Variants in MARCHF4 observed in about 807,000 individuals in gnomAD.
The protein encoded by MARCHF4 is membrane associated ring-CH-type finger 4.
MARCHF4 carries 14 observed loss-of-function variants against 43.9 expected under a neutral mutation model. That is an observed-to-expected ratio of 0.32 (90% confidence interval 0.21 to 0.50). The LOEUF is 0.50. MARCHF4 is among the 20% of genes least tolerant of loss of function. The probability of loss-of-function intolerance (pLI) is 0.98; values close to 1 mark genes in which losing one functional copy is unlikely to be tolerated. For missense variants in MARCHF4, 468 were observed against 536.7 expected, an observed-to-expected ratio of 0.87 and a Z score of 1.27; for synonymous variants, 226 against 213.3, an observed-to-expected ratio of 1.06 and a Z score of -0.52.
chr2:216,299,270 C>T (rs1179377371), intron 1 of MARCHF4, among the ~76,000 whole-genome samples: 2 of 152,166 alleles, frequency 1.3e-5, no homozygotes, highest in African/African-American at 4.8e-5. Context: ...GCCTTGCCAG[C>T]TGGAGGCTGC....
chr2:216,371,627 G>C lies in MARCHF4; in HGVS notation c.-1367C>G, dbSNP rs1347604988. ...TCCTCCTCCTCCTCCCCCTTCCCTG[G>C]GGGCCAGCCCTGAGCCCCCGCGCCC... On this transcript the variant is annotated 5_prime_UTR_variant, in exon 1 of 4. Transcript: ENST00000273067. 1 of 152,380 alleles carries C rather than the reference G, an allele frequency of 6.6e-6. No individual in the cohort carries two copies. The highest frequency in any genetic ancestry group is 1.5e-5 in the Non-Finnish European group (1 of 68,168). 9.4% of individuals were successfully genotyped at this position (152,380 alleles called of 1,614,324 possible). A position where few individuals can be genotyped will look rare whatever the true frequency, so the allele number is the denominator to read the frequency against.
chr2:216,367,525 C>T (rs1002974136), intron 1 of MARCHF4, among the ~76,000 whole-genome samples: 1 of 152,174 alleles, frequency 6.6e-6, no homozygotes, highest in African/African-American at 2.4e-5. Context: ...GTTATTACTA[C>T]TATAACACAA....
chr2:216,353,134 C>A (rs13011054), intron 1 of MARCHF4, among the ~76,000 whole-genome samples: 58,414 of 151,840 alleles, frequency 0.38, 11,602 homozygotes, highest in East Asian at 0.52. Context: ...CTTCAAATGA[C>A]AACACTTCAA....
intron 1 of MARCHF4, among the ~76,000 whole-genome samples, chr2:216,351,223 C>T (rs1388895836): frequency 6.6e-6 from 1 of 152,116 alleles, no homozygotes; most frequent in South Asian, 2.1e-4. Context: ...ACTGGGAGTC[C>T]CACTGCATGC....
chr2:216,339,378 C>T (rs1006688567), intron 1 of MARCHF4, among the ~76,000 whole-genome samples: 1 of 152,220 alleles, frequency 6.6e-6, no homozygotes, highest in Non-Finnish European at 1.5e-5. Context: ...GCCCATAATC[C>T]CCTTGGGAAA....
At chr2:216,276,351 C>T (rs953972208) in intron 3 of MARCHF4, among the ~76,000 whole-genome samples, 2 of 124,254 alleles carry the variant, frequency 1.6e-5, no homozygotes, top group Non-Finnish European at 3.0e-5. Flanking sequence ...AATTAGAATG[C>T]ATCAATGTCA....
intron 1 of MARCHF4, among the ~76,000 whole-genome samples, chr2:216,357,924 T>C (rs1276335930): frequency 1.3e-5 from 2 of 152,222 alleles, no homozygotes; most frequent in Non-Finnish European, 2.9e-5. Flanking sequence ...CAGATGATAT[T>C]ATGGCAGCTC....
chr2:216,285,784 A>G, intron 1 of MARCHF4, among the ~76,000 whole-genome samples: 1 of 152,172 alleles, frequency 6.6e-6, no homozygotes, highest in East Asian at 1.9e-4. Context: ...GGAATTCCTC[A>G]TTATTCGTGG....
chr2:216,270,411 C>T (rs1690917414), intron 3 of MARCHF4, among the ~76,000 whole-genome samples: 1 of 152,028 alleles, frequency 6.6e-6, no homozygotes, highest in South Asian at 2.1e-4. Flanking sequence ...ATCACCCGCC[C>T]CAACCCCATC....
rs181065589 is a variant in MARCHF4, at chr2:216,266,809, C to T, written c.866-7130G>A. On this transcript the variant is annotated intron_variant, in intron 3 of 3. Coordinates refer to ENST00000273067, the MANE Select transcript of MARCHF4 (RefSeq NM_020814.3). ...CTATTTTGGGTGAGTTCAGGGGGTA[C>T]TGCTGGGAAAGGCCAGGTTGACAAC... is the stretch of plus-strand genomic sequence containing the variant. 2.6e-5 allele frequency among the ~76,000 whole-genome samples: 4 copies of T among 152,274 alleles called. No individual in the cohort carries two copies. In the East Asian group the frequency reaches 7.7e-4, roughly 29 times the overall value.
In MARCHF4 at chr2:216,322,701, A is replaced by C. The variant is rs1051913191; in HGVS notation, c.517-38972T>G. ...GCCGGGTGCGGTGGTGGGTGCCTGT[A>C]GTCCCAGCTACTAGGGAGGCTGAGG... On this transcript the variant is annotated intron_variant, in intron 1 of 3. Transcript: ENST00000273067. Among the ~76,000 whole-genome samples the C allele has an allele frequency of 2.4e-4, 36 of 152,190 alleles. 1 individual carries two copies. Among genetic ancestry groups the C allele is most frequent in the Admixed American group, 2.4e-3 (36 of 15,278 alleles).
rs1272648208 is a variant in MARCHF4, at chr2:216,372,342, G to T, written c.-2082C>A. Among the ~76,000 whole-genome samples the T allele has an allele frequency of 1.3e-5, 2 of 152,112 alleles. No homozygotes were observed. Among genetic ancestry groups the T allele is most frequent in the Admixed American group, 6.5e-5 (1 of 15,278 alleles). On this transcript the variant is annotated 5_prime_UTR_variant, in exon 1 of 4. Coordinates refer to ENST00000273067, the MANE Select transcript of MARCHF4 (RefSeq NM_020814.3). Reference sequence around the variant, plus strand: ...CGCCGCTGCTGCATTCAGCACCCCGGGCGAGTGGACAGCTCCCACCCAGAC... The same window carrying T: ...CGCCGCTGCTGCATTCAGCACCCCGTGCGAGTGGACAGCTCCCACCCAGAC...
chr2:216,303,028 G>A (rs957667952), intron 1 of MARCHF4, among the ~76,000 whole-genome samples: 11 of 151,318 alleles, frequency 7.3e-5, no homozygotes, highest in Admixed American at 4.6e-4. Flanking sequence ...TTCTCTCACA[G>A]CTCCTTTCTC....
chr2:216,339,233 G>C (rs1397551358), intron 1 of MARCHF4, among the ~76,000 whole-genome samples: 1 of 152,198 alleles, frequency 6.6e-6, no homozygotes, highest in Admixed American at 6.5e-5. Context: ...GCATCTATGG[G>C]AGAAGACAGT....
In MARCHF4 at chr2:216,259,563, C is replaced by T. The variant is rs781037941; in HGVS notation, c.982G>A (p.Ala328Thr). 1.5e-5 allele frequency: 24 copies of T among 1,614,070 alleles called. 1 individual carries two copies. The African/African-American group carries it at 2.3e-4, about 15-fold the overall frequency. Reference protein sequence around the residue: ...DKTKDLEDQKAGGRTNPRTSS... With the variant: ...DKTKDLEDQKTGGRTNPRTSS... ...GTCCGGGGGTTGGTCCTGCCTCCTG[C>T]CTTTTGATCCTCCAGGTCTTTTGTC... The change falls in exon 4 of 4, where the codon GCA becomes ACA. Residue 328 changes from alanine (A) to threonine (T), a missense_variant. Physicochemically the swap from Ala to Thr is moderately conservative, Grantham distance 58 (BLOSUM62 0). Coordinates refer to ENST00000273067, the MANE Select transcript of MARCHF4 (RefSeq NM_020814.3).
At chr2:216,332,702 G>A (rs546965380) in intron 1 of MARCHF4, among the ~76,000 whole-genome samples, 21 of 152,148 alleles carry the variant, frequency 1.4e-4, no homozygotes, top group African/African-American at 1.9e-4. Context: ...ATATAAAGAC[G>A]GTCGTCTCCC....
At chr2:216,329,095 A>T (rs1162857008) in intron 1 of MARCHF4, among the ~76,000 whole-genome samples, 1 of 148,504 alleles carries the variant, frequency 6.7e-6, no homozygotes, top group African/African-American at 2.5e-5. Flanking sequence ...AAATAAAAAC[A>T]CCCGGCCGGG....
intron 3 of MARCHF4, among the ~76,000 whole-genome samples, chr2:216,270,995 G>A (rs914501987): frequency 6.6e-6 from 1 of 152,160 alleles, no homozygotes; most frequent in African/African-American, 2.4e-5. Flanking sequence ...AGTTGCTAGA[G>A]TTCAATTTAA....
At chr2:216,275,781 T>C (rs1318698436) in intron 3 of MARCHF4, among the ~76,000 whole-genome samples, 1 of 152,202 alleles carries the variant, frequency 6.6e-6, no homozygotes, top group Non-Finnish European at 1.5e-5. Flanking sequence ...ACTGACTACT[T>C]GTGTTAGCCA....
Sources: gnomAD v4.1 joint callset for allele counts (sites outside exome capture counted in the v4.1 genomes callset) on GRCh38, gnomAD v4.1.1 for gene constraint, MANE v1.5 for transcripts, NCBI Gene and HGNC (gene_info 2026-07-23, HGNC 2026-07-21) for gene names.